Variants in VPS53 observed in about 807,000 individuals in gnomAD.
The protein encoded by VPS53 is VPS53 subunit of GARP complex, also known as vacuolar protein sorting-associated protein 53 homolog.
A neutral mutation model predicts 107.0 loss-of-function variants in VPS53; 70 were observed. That is an observed-to-expected ratio of 0.65 (90% CI 0.54 to 0.80). The LOEUF (loss-of-function observed/expected upper bound fraction) is 0.80, where lower values mean the gene tolerates loss of function less well. Among genes scored for constraint, VPS53 ranks in the 30% least tolerant of loss-of-function variants. The pLI is 0.00. For synonymous variants in VPS53, 409 were observed against 393.3 expected (o/e 1.04, Z -0.47); for missense variants, 917 against 1,049.4 (o/e 0.87, Z 1.74).
At chr17:654,042 A>C (rs1971075200) in intron 6 of VPS53, among the ~76,000 whole-genome samples, 1 of 152,060 alleles carries the variant, frequency 6.6e-6, no homozygotes, top group Non-Finnish European at 1.5e-5. Context: ...AAAAATACAC[A>C]AAATTAGCTG....
chr17:691,387 G>C (rs1029401999), intron 4 of VPS53, among the ~76,000 whole-genome samples: 2 of 152,214 alleles, frequency 1.3e-5, no homozygotes, highest in African/African-American at 4.8e-5. Context: ...CCCCATCACT[G>C]AAAGTAGCCA....
Position 520,421 on chromosome 17 carries a change from G to T in VPS53, c.2224-491C>A, listed in dbSNP as rs1026276194. 1.3e-5 allele frequency among the ~76,000 whole-genome samples: 2 copies of T among 152,170 alleles called. No individual in the cohort carries two copies. The highest frequency in any genetic ancestry group is 2.9e-5 in the Non-Finnish European group (2 of 68,024). On this transcript the variant is annotated intron_variant, in intron 20 of 21. Transcript: ENST00000437048. This position sits in a 1 kb window ranked among gnomAD's most constrained non-coding sequence, Gnocchi z 4.4. ...ATTCCTGAGAAATGGGTGGCAAAAG[G>T]AGCTGGTATAAGTAAGTGGATTTCT... is the stretch of plus-strand genomic sequence containing the variant.
intron 9 of VPS53, among the ~76,000 whole-genome samples, chr17:627,633 T>C (rs1291496801): frequency 6.6e-6 from 1 of 151,968 alleles, no homozygotes; most frequent in Non-Finnish European, 1.5e-5. Context: ...AAAATTAGCC[T>C]GGTGTGGTGA....
chr17:542,771 G>A (rs9897065), intron 17 of VPS53, among the ~76,000 whole-genome samples: 23,628 of 151,870 alleles, frequency 0.16, 4,354 homozygotes, highest in African/African-American at 0.43. Context: ...TTGAGGCCAG[G>A]AATTCGAGAC....
At chr17:662,570 T>TC (rs1278966430) in intron 4 of VPS53, among the ~76,000 whole-genome samples, 4 of 151,874 alleles carry the variant, frequency 2.6e-5, no homozygotes, top group Non-Finnish European at 5.9e-5. Flanking sequence ...GCACCTGTAG[T>TC]CCCAGCTACT....
intron 2 of VPS53, among the ~76,000 whole-genome samples, chr17:701,341 C>A (rs531484541): frequency 6.6e-6 from 1 of 151,682 alleles, no homozygotes; most frequent in South Asian, 2.1e-4. Context: ...AAAAACGAAT[C>A]TCAGAAAAAT....
chr17:680,876 G>C (rs540393791), intron 4 of VPS53, among the ~76,000 whole-genome samples: 1 of 152,268 alleles, frequency 6.6e-6, no homozygotes, highest in African/African-American at 2.4e-5. Context: ...TGATCCTAAA[G>C]AGCATTTCTA....
Position 615,018 on chromosome 17 carries a change from T to A in VPS53, c.1116+8515A>T, listed in dbSNP as rs1969072817. On this transcript the variant is annotated intron_variant, in intron 11 of 21. Transcript: ENST00000437048. ...GCTAATCCGATCTAGTCTGCTTTTC[T>A]GCTTTCAGCAGAAGGCTGAATGTCA... 2.0e-5 allele frequency among the ~76,000 whole-genome samples: 3 copies of A among 152,292 alleles called. No homozygotes were observed. In the South Asian group the frequency reaches 6.2e-4, roughly 32 times the overall value.
intron 12 of VPS53, among the ~76,000 whole-genome samples, chr17:595,589 T>G (rs373831234): frequency 1.8e-4 from 6 of 33,008 alleles, no homozygotes; most frequent in Non-Finnish European, 2.8e-4. Flanking sequence ...ATTTCCTGGT[T>G]TGATGATGCA....
intron 5 of VPS53, 39 bp from the exon 6 acceptor site, chr17:655,992 T>C (rs780356618): frequency 2.6e-6 from 4 of 1,564,266 alleles, no homozygotes; most frequent in East Asian, 4.5e-5. Flanking sequence ...AGGAAGACGG[T>C]CAAGAAAGAT....
chr17:596,468 A>T (rs999970674), intron 12 of VPS53, among the ~76,000 whole-genome samples: 7 of 152,016 alleles, frequency 4.6e-5, no homozygotes, highest in Admixed American at 3.9e-4. Flanking sequence ...CCAGGGTTCC[A>T]CCTCTATCTG....
chr17:618,777 C>G (rs1363297090), intron 11 of VPS53, among the ~76,000 whole-genome samples: 1 of 149,220 alleles, frequency 6.7e-6, no homozygotes, highest in African/African-American at 2.5e-5. Context: ...TCCCGGGTAA[C>G]TGTGACTACA....
intron 4 of VPS53, among the ~76,000 whole-genome samples, chr17:682,901 T>C (rs1972453718): frequency 6.6e-6 from 1 of 152,134 alleles, no homozygotes; most frequent in African/African-American, 2.4e-5. Context: ...AATAATATGC[T>C]AAAGAATCTG....
At chr17:556,203 G>A (rs868712740) in intron 15 of VPS53, among the ~76,000 whole-genome samples, 2 of 152,042 alleles carry the variant, frequency 1.3e-5, no homozygotes, top group African/African-American at 2.4e-5. Context: ...GGGTAGGATC[G>A]CTTTCGTTCC....
At chr17:685,571 G>A (rs894796277) in intron 4 of VPS53, among the ~76,000 whole-genome samples, 1 of 152,076 alleles carries the variant, frequency 6.6e-6, no homozygotes, top group Non-Finnish European at 1.5e-5. Context: ...TTTAAGGCAC[G>A]GTAGGCTAAG....
intron 4 of VPS53, among the ~76,000 whole-genome samples, chr17:690,576 G>A (rs781114705): frequency 1.3e-5 from 2 of 152,172 alleles, no homozygotes; most frequent in Non-Finnish European, 2.9e-5. Context: ...GCCTGCTTAC[G>A]CCGCTTAGGT....
intron 7 of VPS53, among the ~76,000 whole-genome samples, chr17:639,103 G>A: frequency 6.6e-6 from 1 of 152,118 alleles, no homozygotes; most frequent in Non-Finnish European, 1.5e-5. Context: ...TTTCTTGGAG[G>A]CTTTGTTCAT....
chr17:641,264 A>AT (rs1253630378), intron 7 of VPS53, among the ~76,000 whole-genome samples: 1 of 152,212 alleles, frequency 6.6e-6, no homozygotes, highest in Non-Finnish European at 1.5e-5. Context: ...AATCCCATGC[A>AT]TTTTCAGGGT....
At chr17:564,076 C>T (rs1391955878) in intron 13 of VPS53, among the ~76,000 whole-genome samples, 1 of 152,016 alleles carries the variant, frequency 6.6e-6, no homozygotes, top group Non-Finnish European at 1.5e-5. Flanking sequence ...ATGGCAAAAC[C>T]CCGTCTCTAC....
Sources: allele counts gnomAD v4.1 joint callset (sites outside exome capture counted in the v4.1 genomes callset), GRCh38; gene constraint gnomAD v4.1.1; non-coding constraint Gnocchi (gnomAD v3.1); transcripts MANE v1.5; gene names NCBI Gene and HGNC (gene_info 2026-07-23, HGNC 2026-07-21).